The following GLIS2 variants were observed in gnomAD, a reference collection of about 807,000 sequenced individuals.
GLIS2 encodes the protein GLIS family zinc finger 2, also known as zinc finger protein GLIS2.
GLIS2 carries 14 observed loss-of-function variants against 35.6 expected under a neutral mutation model. The ratio of observed to expected loss-of-function variants is 0.39; its 90% CI spans 0.26 to 0.61. The LOEUF (loss-of-function observed/expected upper bound fraction) is 0.61, where lower values mean the gene tolerates loss of function less well. Among genes scored for constraint, GLIS2 ranks in the 20% least tolerant of loss-of-function variants. The probability of loss-of-function intolerance (pLI) is 0.48; values close to 1 mark genes in which losing one functional copy is unlikely to be tolerated. For missense variants in GLIS2, 675 were observed against 713.4 expected (o/e 0.95, Z 0.61); for synonymous variants, 368 against 325.1 (o/e 1.13, Z -1.42).
rs903230944 is a variant in GLIS2, at chr16:4,335,562, C to T, written c.775+169C>T. Among the ~76,000 whole-genome samples the T allele has an allele frequency of 7.2e-5, 11 of 152,200 alleles. No individual in the cohort carries two copies. The highest frequency in any genetic ancestry group is 2.7e-4 in the African/African-American group (11 of 41,450). On this transcript the variant is annotated intron_variant, in intron 6 of 6. Transcript: ENST00000433375. The surrounding 1 kb of genome is among the most constrained non-coding windows in gnomAD (Gnocchi z 4.6). ...TTCCAATGCAGTTTGCTAGGGGAAG[C>T]ATCCCCTGGGGGTCAGACCCCCACC...
rs141050562 is a variant in GLIS2 at position 4,317,288 on chromosome 16, G to A, written c.-67+1034G>A. Among the ~76,000 whole-genome samples the A allele has an allele frequency of 3.7e-3, 569 of 152,300 alleles. 3 individuals carry two copies. The highest frequency in any genetic ancestry group is 0.012 in the African/African-American group (511 of 41,570). The stretch of plus-strand genomic sequence containing the variant: ...ACTGAGGGGGCAGCCAGGCCGGCTG[G>A]GGACCTGGCCAAGGCCTGGGCTTGG... On this transcript the variant is annotated intron_variant, in intron 1 of 6. Transcript: ENST00000433375.
intron 1 of GLIS2, among the ~76,000 whole-genome samples, chr16:4,329,614 G>A (rs1172130344): frequency 2.0e-5 from 3 of 152,192 alleles, no homozygotes; most frequent in African/African-American, 7.2e-5. Context: ...CAGAAGGGGA[G>A]GACGTGGGAG....
rs764855680 is a variant in GLIS2, at chr16:4,335,434, CGCTCA to C, written c.775+45_775+49del. ...CGGGCGGCTTGGCCCATGAAGGGGGCGCTCAGCTGAGACCGGCTGGGCAGGTCCCC... is the reference window on the plus strand; with the variant it reads ...CGGGCGGCTTGGCCCATGAAGGGGGCGCTGAGACCGGCTGGGCAGGTCCCC... On this transcript the variant is annotated intron_variant, in intron 6 of 6. Transcript: ENST00000433375. The surrounding 1 kb of genome is among the most constrained non-coding windows in gnomAD (Gnocchi z 4.6). The C allele has an allele frequency of 3.2e-6, 5 of 1,578,368 alleles. No homozygotes were observed. The South Asian group carries it at 5.5e-5, about 17-fold the overall frequency.
At position 4,320,858 on chromosome 16, in the gene GLIS2, C is replaced by A. The variant is rs1310648837; in HGVS notation, c.-67+4604C>A. Among the ~76,000 whole-genome samples the A allele has an allele frequency of 6.6e-6, 1 of 152,296 alleles. No homozygotes were observed. The highest frequency in any genetic ancestry group is 2.4e-5 in the African/African-American group (1 of 41,556). ...GTGCTGGTGCTCGTCTCCCTGCCAG[C>A]CCCGGCCTCCCCCAGCACCCCCCGG... On this transcript the variant is annotated intron_variant, in intron 1 of 6. Coordinates refer to ENST00000433375, the MANE Select transcript of GLIS2 (RefSeq NM_032575.3). This position sits in a 1 kb window ranked among gnomAD's most constrained non-coding sequence, Gnocchi z 5.6.
In GLIS2 at chr16:4,335,473, G is replaced by A. The variant is rs1251924552; in HGVS notation, c.775+80G>A. 4.8e-6 allele frequency: 6 copies of A among 1,261,314 alleles called. No homozygotes were observed. The East Asian group carries it at 7.0e-5, about 15-fold the overall frequency. The allele number at this position is 1,261,314 out of a possible 1,614,324, so 78.1% of individuals were successfully genotyped here. A position where few individuals can be genotyped will look rare whatever the true frequency, so the allele number is the denominator to read the frequency against. ...CGGCTGGGCAGGTCCCCAGGGGGAG[G>A]GGACTGTTAAGTAAATCCCGGGCCT... On this transcript the variant is annotated intron_variant, in intron 6 of 6. Transcript: ENST00000433375. This position sits in a 1 kb window ranked among gnomAD's most constrained non-coding sequence, Gnocchi z 4.6.
intron 1 of GLIS2, among the ~76,000 whole-genome samples, chr16:4,324,484 G>C (rs779502643): frequency 6.6e-6 from 1 of 152,210 alleles, no homozygotes; most frequent in African/African-American, 2.4e-5. Flanking sequence ...GGTTCTTTGA[G>C]GGGCATAGGC....
At chr16:4,315,097 G>A (rs1006636654), upstream of GLIS2, 1 of 152,244 alleles carries the variant, frequency 6.6e-6, no homozygotes, top group African/African-American at 2.4e-5. Context: ...GTCCAGGAGG[G>A]ATCTAGACCT....
At chr16:4,317,821 C>T (rs899090157) in intron 1 of GLIS2, among the ~76,000 whole-genome samples, 2 of 152,118 alleles carry the variant, frequency 1.3e-5, no homozygotes, top group African/African-American at 2.4e-5. Flanking sequence ...GGGGGGTGTG[C>T]GGACCCCTTG....
In GLIS2 at chr16:4,324,166, C is replaced by T. The variant is rs183853184; in HGVS notation, c.-67+7912C>T. ...TGCCCTCCCAAAAGGTCCGGGGGTG[C>T]TGGCTGAGTGCCCCGTCTTGGGAGG... is the stretch of plus-strand genomic sequence containing the variant. On this transcript the variant is annotated intron_variant, in intron 1 of 6. Transcript: ENST00000433375. 1.6e-3 allele frequency among the ~76,000 whole-genome samples: 241 copies of T among 152,296 alleles called. 2 individuals carry two copies. Among genetic ancestry groups the T allele is most frequent in the African/African-American group, 5.6e-3 (233 of 41,570 alleles).
intron 1 of GLIS2, among the ~76,000 whole-genome samples, chr16:4,319,408 C>T (rs2053351055): frequency 6.6e-6 from 1 of 152,168 alleles, no homozygotes; most frequent in Non-Finnish European, 1.5e-5. Context: ...ATGCTCTCCA[C>T]CCTCTGCCTA....
intron 1 of GLIS2, among the ~76,000 whole-genome samples, chr16:4,330,045 G>A (rs990673884): frequency 6.6e-6 from 1 of 152,046 alleles, no homozygotes. Flanking sequence ...GGGAGGCCGA[G>A]GTGGGCAGAT....
chr16:4,327,477 G>A (rs2053444982), intron 1 of GLIS2, among the ~76,000 whole-genome samples: 1 of 152,330 alleles, frequency 6.6e-6, no homozygotes, highest in Admixed American at 6.5e-5. Flanking sequence ...GTCGCCCCGT[G>A]CCTTCCAGTA....
In GLIS2 at chr16:4,337,026, T is replaced by A; in HGVS notation, c.1077T>A (p.Ala359=). ...CCCAGATCATCATCCCCAACCCAGC[T>A]GCCCTCTTTGGAGGCCCTGGCCTGC... ...SGAQIIIPNP[A]ALFGGPGLPG... is the part of the protein sequence containing the mutation. Residue 359 remains alanine (A), a synonymous_variant, in exon 7 of 7, where the codon GCT becomes GCA. Transcript: ENST00000433375. 1 of 1,598,622 alleles carries A rather than the reference T, an allele frequency of 6.3e-7. No homozygotes were observed. The highest frequency in any genetic ancestry group is 8.5e-7 in the Non-Finnish European group (1 of 1,176,240).
Position 4,332,325 on chromosome 16 carries a change from C to T in GLIS2, c.45C>T (p.Thr15=). ...CGCTCGACCTGAAGCTGAGTATCAC[C>T]AAGCTCCGGGCGGCAAGAGAGAAGC... ...DEPLDLKLSI[T]KLRAAREKRE... The change falls in exon 2 of 7, where the codon ACC becomes ACT. Residue 15 remains threonine, a synonymous_variant. Coordinates refer to ENST00000433375, the MANE Select transcript of GLIS2 (RefSeq NM_032575.3). This position sits in a 1 kb window ranked among gnomAD's most constrained non-coding sequence, Gnocchi z 5.4. The T allele has an allele frequency of 6.2e-7, 1 of 1,613,238 alleles. No individual in the cohort carries two copies. Among genetic ancestry groups the T allele is most frequent in the Non-Finnish European group, 8.5e-7 (1 of 1,180,018 alleles).
intron 3 of GLIS2, among the ~76,000 whole-genome samples, chr16:4,333,840 C>T (rs934620281): frequency 1.3e-5 from 2 of 152,092 alleles, no homozygotes; most frequent in South Asian, 2.1e-4. Flanking sequence ...TGGCCGGGCA[C>T]GGTGGCTCAC....
intron 1 of GLIS2, among the ~76,000 whole-genome samples, chr16:4,327,242 C>T (rs1567219854): frequency 6.6e-6 from 1 of 152,238 alleles, no homozygotes; most frequent in Admixed American, 6.5e-5. Context: ...CCCTATTAGC[C>T]TAGTGATCTC....
At chr16:4,327,230 C>G (rs2053441524) in intron 1 of GLIS2, among the ~76,000 whole-genome samples, 1 of 152,232 alleles carries the variant, frequency 6.6e-6, no homozygotes, top group Admixed American at 6.5e-5. Context: ...CTCCAACCAG[C>G]TCCCTATTAG....
chr16:4,325,874 G>C (rs975192785), intron 1 of GLIS2, among the ~76,000 whole-genome samples: 4 of 137,470 alleles, frequency 2.9e-5, no homozygotes, highest in African/African-American at 1.1e-4. Context: ...GCGGCAGTTA[G>C]CCATGACCAC....
At chr16:4,333,622 C>A in intron 3 of GLIS2, 103 bp downstream of exon 3, 2 of 1,272,110 alleles carry the variant, frequency 1.6e-6, no homozygotes, top group Non-Finnish European at 2.1e-6. Flanking sequence ...AGATGTGTTA[C>A]CCCTCATAAT....
Sources: gnomAD v4.1 joint callset for allele counts (sites outside exome capture counted in the v4.1 genomes callset) on GRCh38, gnomAD v4.1.1 for gene constraint, Gnocchi (gnomAD v3.1) non-coding constraint, MANE v1.5 for transcripts, NCBI Gene and HGNC (gene_info 2026-07-23, HGNC 2026-07-21) for gene names.